USP35: variants seen among roughly 807,000 people sequenced by gnomAD.
The protein encoded by USP35 is ubiquitin specific peptidase 35, also known as ubiquitin carboxyl-terminal hydrolase 35.
In USP35, 69 loss-of-function variants were observed where a neutral mutation model predicts 83.8. The ratio of observed to expected loss-of-function variants is 0.82; its 90% CI spans 0.68 to 1.01. The LOEUF (loss-of-function observed/expected upper bound fraction) is 1.01, where lower values mean the gene tolerates loss of function less well. USP35 is among the 50% of genes least tolerant of loss of function. The pLI is 0.00. For synonymous variants in USP35, 714 were observed against 589.5 expected, an observed-to-expected ratio of 1.21 and a Z score of -3.06; for missense variants, 1,503 against 1,362.5, an observed-to-expected ratio of 1.10 and a Z score of -1.62.
chr11:78,199,459 C>T, intron 3 of USP35, 136 bp from the exon 4 acceptor site: 2 of 1,354,714 alleles, frequency 1.5e-6, no homozygotes, highest in South Asian at 1.3e-5. Context: ...TGGTTCAGCC[C>T]ACAGACCCCG....
intron 4 of USP35, 52 bp downstream of exon 4, chr11:78,199,776 G>T: frequency 6.2e-7 from 1 of 1,612,742 alleles, no homozygotes; most frequent in East Asian, 2.2e-5. Flanking sequence ...CTAGGCTCTT[G>T]CCAGGGGCGG....
Position 78,196,349 on chromosome 11 carries a change from G to A in USP35, c.104G>A (p.Arg35His). ...VLEAARQPLEREQCLALLALG... is the reference protein window; with the variant it reads ...VLEAARQPLEHEQCLALLALG... ...GAGGCGGCGCGGCAGCCGCTGGAGC[G>A]TGAGCAGTGCCTGGCGCTGCTGGCG... Residue 35 changes from arginine to histidine, a missense_variant, in exon 2 of 11, where the codon CGT (arginine) becomes CAT (histidine). Physicochemically the swap from Arg to His is conservative, Grantham distance 29. Coordinates refer to ENST00000529308, the MANE Select transcript of USP35 (RefSeq NM_020798.4). This position sits in a 1 kb window ranked among gnomAD's most constrained non-coding sequence, Gnocchi z 4.8. The A allele has an allele frequency of 6.3e-7, 1 of 1,578,526 alleles. No individual in the cohort carries two copies. The highest frequency in any genetic ancestry group is 1.1e-5 in the South Asian group (1 of 89,904).
At chr11:78,206,221 G>T (rs1191170190) in intron 7 of USP35, among the ~76,000 whole-genome samples, 186 bp downstream of exon 7, 1 of 152,228 alleles carries the variant, frequency 6.6e-6, no homozygotes, top group Non-Finnish European at 1.5e-5. Context: ...GTCAGGACTG[G>T]ATGGGAACTC....
rs145897739 is a variant in USP35, at chr11:78,214,133, G to A, written c.*320G>A. ...TGCGGGAAGATCTGATGATGTTCAG[G>A]AAACAGGCTAGACCTCAGCTCCAAT... On this transcript the variant is annotated 3_prime_UTR_variant, in exon 11 of 11. Transcript: ENST00000529308. The A allele has an allele frequency of 5.8e-4, 158 of 273,186 alleles. No homozygotes were observed. In the East Asian group the frequency reaches 0.012, roughly 21 times the overall value. The allele number at this position is 273,186 out of a possible 1,614,324, so 16.9% of individuals were successfully genotyped here. A position where few individuals can be genotyped will look rare whatever the true frequency, so the allele number is the denominator to read the frequency against.
At chr11:78,221,887 A>T in the USP35 span, 7 of 731,624 alleles carry the variant, frequency 9.6e-6, no homozygotes, top group Non-Finnish European at 1.7e-5. Context: ...CAGCCATTAG[A>T]GCTGCACACT....
chr11:78,206,242 T>A (rs1863527289), intron 7 of USP35, among the ~76,000 whole-genome samples: 1 of 152,174 alleles, frequency 6.6e-6, no homozygotes, highest in Admixed American at 6.5e-5. Flanking sequence ...AAGAAGGGGC[T>A]TAAGGGGCTG....
chr11:78,196,616 TGC>T lies in USP35; in HGVS notation c.373_374del (p.Arg125AlafsTer106). The T allele has an allele frequency of 7.7e-7, 1 of 1,291,880 alleles. No homozygotes were observed. The highest frequency in any genetic ancestry group is 9.8e-7 in the Non-Finnish European group (1 of 1,022,678). 80.0% of individuals were successfully genotyped at this position (1,291,880 alleles called of 1,614,324 possible). ...GCGGCCGACGAGGTGTTCGCGCTGC[TGC>T]GGCGCGAGGTGCTGCGCACCGTGTG... On this transcript the variant is annotated frameshift_variant, in exon 2 of 11. Coordinates refer to ENST00000529308, the MANE Select transcript of USP35 (RefSeq NM_020798.4). LOFTEE classifies it high-confidence loss of function. The surrounding 1 kb of genome is among the most constrained non-coding windows in gnomAD (Gnocchi z 4.8).
At chr11:78,190,436 G>A (rs1270945187) in intron 1 of USP35, among the ~76,000 whole-genome samples, 1 of 152,180 alleles carries the variant, frequency 6.6e-6, no homozygotes, top group Admixed American at 6.5e-5. Flanking sequence ...TGGACCAAAG[G>A]TTAGGCCAGT....
chr11:78,200,726 A>G lies in USP35; in HGVS notation c.1115A>G (p.Gln372Arg), dbSNP rs1375328184. The G allele has an allele frequency of 3.1e-6, 5 of 1,614,006 alleles. No individual in the cohort carries two copies. In the African/African-American group the frequency reaches 6.7e-5, roughly 22 times the overall value. Reference sequence around the variant, plus strand: ...AACTCGGGGACCAGCTGCCTGGAGCAGCTGGCGGAGCTGGTCCACTGCATG... The same window carrying G: ...AACTCGGGGACCAGCTGCCTGGAGCGGCTGGCGGAGCTGGTCCACTGCATG... ...DSNSGTSCLE[Q>R]LAELVHCMVF... Residue 372 changes from glutamine (Q) to arginine (R), a missense_variant, in exon 6 of 11, where the codon CAG becomes CGG. Coordinates refer to ENST00000529308, the MANE Select transcript of USP35 (RefSeq NM_020798.4).
At chr11:78,192,430 G>T in intron 1 of USP35, among the ~76,000 whole-genome samples, 1 of 152,240 alleles carries the variant, frequency 6.6e-6, no homozygotes, top group Non-Finnish European at 1.5e-5. Context: ...CTGCCAGTGG[G>T]ATAGCTGGCC....
chr11:78,217,526 C>T (rs973726538), downstream of USP35: 8 of 152,240 alleles, frequency 5.3e-5, no homozygotes, highest in African/African-American at 1.9e-4. Context: ...CCCCATCAAA[C>T]ATGGCAGGAA....
chr11:78,209,728 G>C lies in USP35; in HGVS notation c.1873G>C (p.Glu625Gln). The C allele has an allele frequency of 6.2e-7, 1 of 1,614,082 alleles. No individual in the cohort carries two copies. The highest frequency in any genetic ancestry group is 1.3e-5 in the African/African-American group (1 of 75,020). The change falls in exon 10 of 11, where the codon GAG (glutamate) becomes CAG (glutamine). Residue 625 changes from glutamate (E) to glutamine (Q), a missense_variant. Coordinates refer to ENST00000529308, the MANE Select transcript of USP35 (RefSeq NM_020798.4). ...CCCCACAGAAGACATCACAGCCCGG[G>C]AGTTGCCCCCACCAACCAGTGCACA... Reference protein sequence around the residue: ...MRPTEDITARELPPPTSAQGP... With the variant: ...MRPTEDITARQLPPPTSAQGP...
the USP35 span, chr11:78,222,185 T>C: frequency 1.2e-6 from 2 of 1,612,994 alleles, no homozygotes; most frequent in Non-Finnish European, 1.7e-6. Context: ...GGTCAAGTGG[T>C]GTTGGCTTTG....
rs146304906 is a variant in USP35, at chr11:78,206,413, T to C, written c.1391+378T>C. ...AATGAAACAAACACAATCTTTATAG[T>C]CTATGGCCACCTATCTACCTTATGG... On this transcript the variant is annotated intron_variant, in intron 7 of 10. Coordinates refer to ENST00000529308, the MANE Select transcript of USP35 (RefSeq NM_020798.4). Among the ~76,000 whole-genome samples, 26 of 152,318 alleles carry C rather than the reference T, an allele frequency of 1.7e-4. No homozygotes were observed. The East Asian group carries it at 5.0e-3, about 29-fold the overall frequency.
rs200697593 is a variant in USP35 at position 78,203,887 on chromosome 11, C to CTTTTTTTTT, written c.1198-1951_1198-1950insTTTTTTTTT. 4.8e-5 allele frequency among the ~76,000 whole-genome samples: 6 copies of CTTTTTTTTT among 124,414 alleles called. 1 individual carries two copies. The highest frequency in any genetic ancestry group is 2.5e-4 in the East Asian group (1 of 4,036). 81.6% of individuals were successfully genotyped at this position (124,414 alleles called of 152,430 possible). A position where few individuals can be genotyped will look rare whatever the true frequency, so the allele number is the denominator to read the frequency against. On this transcript the variant is annotated intron_variant, in intron 6 of 10. Coordinates refer to ENST00000529308, the MANE Select transcript of USP35 (RefSeq NM_020798.4). ...GCCACTGTACCCAGCCCATATTTTT[C>CTTTTTTTTT]TTTTCTTTTTTTTTTTTTTTTGAGA...
chr11:78,194,009 G>A (rs1197322349), intron 1 of USP35, among the ~76,000 whole-genome samples: 1 of 149,522 alleles, frequency 6.7e-6, no homozygotes, highest in Non-Finnish European at 1.5e-5. Context: ...TGGGACTACA[G>A]GCGTGAGCCA....
rs185290788 is a variant in USP35, at chr11:78,209,098, G to A, written c.1592+135G>A. The stretch of plus-strand genomic sequence containing the variant: ...AACATGTGGAGGGCGTGGAGAAGGG[G>A]TGTGCTGGAAGGGCAGGGACTGAGT... On this transcript the variant is annotated intron_variant, in intron 9 of 10. Coordinates refer to ENST00000529308, the MANE Select transcript of USP35 (RefSeq NM_020798.4). 1.1e-5 allele frequency: 10 copies of A among 933,130 alleles called. No individual in the cohort carries two copies. In the African/African-American group the frequency reaches 1.7e-4, roughly 15 times the overall value. The allele number at this position is 933,130 out of a possible 1,614,324, so 57.8% of individuals were successfully genotyped here.
intron 1 of USP35, among the ~76,000 whole-genome samples, chr11:78,192,230 C>G (rs895969888): frequency 6.6e-6 from 1 of 152,232 alleles, no homozygotes; most frequent in Non-Finnish European, 1.5e-5. Flanking sequence ...TCGGGGAGGA[C>G]ATGGCTGCTG....
At chr11:78,222,992 G>A in the USP35 span, among the ~76,000 whole-genome samples, 1 of 152,198 alleles carries the variant, frequency 6.6e-6, no homozygotes, top group African/African-American at 2.4e-5. Context: ...TGCCATAAGG[G>A]CTTGAGGGCT....
Sources: allele counts gnomAD v4.1 joint callset (sites outside exome capture counted in the v4.1 genomes callset), GRCh38; gene constraint gnomAD v4.1.1; non-coding constraint Gnocchi (gnomAD v3.1); transcripts MANE v1.5; gene names NCBI Gene and HGNC (gene_info 2026-07-23, HGNC 2026-07-21).